MICAL2: variants seen among roughly 807,000 people sequenced by gnomAD.
The protein encoded by MICAL2 is [F-actin]-monooxygenase MICAL2.
In MICAL2, 77 loss-of-function variants were observed where a neutral mutation model predicts 127.3. That is an observed-to-expected ratio of 0.60 (90% CI 0.50 to 0.73). MICAL2 has a LOEUF of 0.73. MICAL2 is among the 30% of genes least tolerant of loss of function. The probability of loss-of-function intolerance (pLI) is 0.00; values close to 1 mark genes in which losing one functional copy is unlikely to be tolerated. For synonymous variants in MICAL2, 570 were observed against 551.1 expected (o/e 1.03, Z -0.48); for missense variants, 1,351 against 1,434.4 (o/e 0.94, Z 0.94).
At chr11:12,299,282 GTTTCCTTGC>G (rs1864019643) in intron 29 of MICAL2, among the ~76,000 whole-genome samples, 1 of 150,686 alleles carries the variant, frequency 6.6e-6, no homozygotes, top group South Asian at 2.1e-4. Context: ...TTTTTTTTTA[GTTTCCTTGC>G]TCAGTCCACC....
intron 26 of MICAL2, chr11:12,260,126 G>T: frequency 6.5e-7 from 1 of 1,534,872 alleles, no homozygotes; most frequent in Non-Finnish European, 8.7e-7. Flanking sequence ...TCCCTCGAGA[G>T]CATCTGCAAC....
chr11:12,304,227 G>T (rs557002773), intron 29 of MICAL2, among the ~76,000 whole-genome samples: 2 of 152,180 alleles, frequency 1.3e-5, no homozygotes, highest in African/African-American at 4.8e-5. Flanking sequence ...TCCTTTCACA[G>T]TCATATCTAT....
At chr11:12,325,837 G>T (rs1181387818) in intron 31 of MICAL2, among the ~76,000 whole-genome samples, 1 of 152,218 alleles carries the variant, frequency 6.6e-6, no homozygotes, top group Non-Finnish European at 1.5e-5. Context: ...CTAAGAACCA[G>T]ATAGCTGTTA....
intron 34 of MICAL2, chr11:12,358,195 A>C (rs1939157529): frequency 2.6e-6 from 3 of 1,174,872 alleles, no homozygotes; most frequent in East Asian, 2.4e-5. Context: ...CATTAAAATT[A>C]AAGGCAGAAC....
intron 32 of MICAL2, among the ~76,000 whole-genome samples, chr11:12,336,181 T>A (rs1841366721): frequency 6.6e-6 from 1 of 152,172 alleles, no homozygotes; most frequent in Non-Finnish European, 1.5e-5. Context: ...CCCTTGTAAG[T>A]TGGATTCCTA....
At chr11:12,230,720 C>CT (rs909558360) in intron 15 of MICAL2, among the ~76,000 whole-genome samples, 4 of 151,776 alleles carry the variant, frequency 2.6e-5, no homozygotes, top group African/African-American at 4.9e-5. Flanking sequence ...TCTTTCCCCC[C>CT]CCATCTTATT....
chr11:12,143,825 G>C lies in MICAL2; in HGVS notation c.-78+5365G>C, dbSNP rs553320701. Among the ~76,000 whole-genome samples the C allele has an allele frequency of 2.0e-5, 3 of 152,300 alleles. No homozygotes were observed. In the South Asian group the frequency reaches 6.2e-4, roughly 32 times the overall value. The stretch of plus-strand genomic sequence containing the variant: ...AACAAAAAATATAGTTGTTTTTAAG[G>C]ATGACATTTGCAAGGCAAAAGTATC... On this transcript the variant is annotated intron_variant, in intron 2 of 27. Transcript: ENST00000683283.
chr11:12,356,909 C>T (rs924273132), intron 34 of MICAL2, among the ~76,000 whole-genome samples: 1 of 152,230 alleles, frequency 6.6e-6, no homozygotes, highest in Non-Finnish European at 1.5e-5. Flanking sequence ...AAGCTGGCTT[C>T]TTTCCAGAAT....
chr11:12,141,548 C>T (rs1852354529), intron 2 of MICAL2, among the ~76,000 whole-genome samples: 1 of 152,168 alleles, frequency 6.6e-6, no homozygotes, highest in Non-Finnish European at 1.5e-5. Flanking sequence ...ATAAGAACTT[C>T]CTGTTGTTGC....
chr11:12,220,473 C>T lies in MICAL2; in HGVS notation c.1206+15C>T, dbSNP rs377105038. 5.0e-6 allele frequency: 8 copies of T among 1,603,136 alleles called. No individual in the cohort carries two copies. In the East Asian group the frequency reaches 6.7e-5, roughly 13 times the overall value. ...GCTTGCTTGAGGTACTGCCTGAGCTCGGAGCCCCCATGTTTCTCTGCGAGA... is the reference window on the plus strand; with the variant it reads ...GCTTGCTTGAGGTACTGCCTGAGCTTGGAGCCCCCATGTTTCTCTGCGAGA... On this transcript the variant is annotated intron_variant, in intron 9 of 27. Coordinates refer to ENST00000683283, the MANE Select transcript of MICAL2 (RefSeq NM_001282663.2).
intron 3 of MICAL2, among the ~76,000 whole-genome samples, chr11:12,174,096 A>G (rs543725338): frequency 5.9e-4 from 90 of 152,198 alleles, no homozygotes; most frequent in Non-Finnish European, 1.0e-3. Flanking sequence ...ACAGTTGAAA[A>G]AAGTAGATTT....
chr11:12,248,228 G>A (rs1861033817), intron 21 of MICAL2, among the ~76,000 whole-genome samples: 1 of 152,182 alleles, frequency 6.6e-6, no homozygotes, highest in African/African-American at 2.4e-5. Context: ...TTCTTGGCCT[G>A]AATGGTCACA....
intron 34 of MICAL2, chr11:12,358,234 C>G: frequency 6.6e-7 from 1 of 1,523,350 alleles, no homozygotes; most frequent in Non-Finnish European, 9.0e-7. Context: ...AATGTCCATG[C>G]CAAGAACTCT....
chr11:12,227,334 C>A, intron 15 of MICAL2: 1 of 540,950 alleles, frequency 1.8e-6, no homozygotes, highest in African/African-American at 1.9e-5. Context: ...TCAATGACTT[C>A]AAAGTGGTTA....
At chr11:12,260,725 G>A in intron 26 of MICAL2, 2 of 985,502 alleles carry the variant, frequency 2.0e-6, no homozygotes, top group Non-Finnish European at 2.4e-6. Context: ...GGGCAGAATA[G>A]AATTCAACTT....
At chr11:12,215,291 C>G (rs1483082039) in intron 7 of MICAL2, among the ~76,000 whole-genome samples, 1 of 152,178 alleles carries the variant, frequency 6.6e-6, no homozygotes, top group African/African-American at 2.4e-5. Context: ...TCCTGATTCT[C>G]CTGGGGGCCC....
In MICAL2 at chr11:12,204,395, T is replaced by A; in HGVS notation, c.410T>A (p.Leu137His). ...CTCTGGCCTTTCACCATCCATGACC[T>A]TCGTGGCCTGGGAGCCAAGAAGTTC... ...LHLWPFTIHD[L>H]RGLGAKKFYG... The change falls in exon 4 of 28, where the codon CTT (leucine) becomes CAT (histidine). Residue 137 changes from leucine (L) to histidine (H), a missense_variant. By Grantham distance (99) the Leu-to-His change is moderately conservative (BLOSUM62 -3). This residue lies in a region of MICAL2 where 599 missense variants were observed against 714.9 expected (regional missense o/e 0.84). Transcript: ENST00000683283. The A allele has an allele frequency of 1.2e-6, 2 of 1,612,688 alleles. No homozygotes were observed. The highest frequency in any genetic ancestry group is 1.7e-6 in the Non-Finnish European group (2 of 1,179,132).
In MICAL2 at chr11:12,192,098, G is replaced by T. The variant is rs1859248817; in HGVS notation, c.265-12152G>T. On this transcript the variant is annotated intron_variant, in intron 3 of 27. Transcript: ENST00000683283. ...ACCAAGGGCAAGGGGTTATGGGGAG[G>T]GATGCATTGGACAGCATGATCTAAG... Among the ~76,000 whole-genome samples, 2 of 151,804 alleles carry T rather than the reference G, an allele frequency of 1.3e-5. 1 individual carries two copies. Among genetic ancestry groups the T allele is most frequent in the South Asian group, 4.2e-4 (2 of 4,794 alleles).
intron 1 of MICAL2, among the ~76,000 whole-genome samples, chr11:12,279,241 A>T (rs1863748527): frequency 6.6e-6 from 1 of 152,162 alleles, no homozygotes; most frequent in South Asian, 2.1e-4. Flanking sequence ...TCGGATATGT[A>T]TAGAGAAATG....
Sources: gnomAD v4.1 joint callset for allele counts (sites outside exome capture counted in the v4.1 genomes callset) on GRCh38, gnomAD v4.1.1 for gene constraint, gnomAD v4.1.1 regional missense constraint, MANE v1.5 for transcripts, NCBI Gene and HGNC (gene_info 2026-07-23, HGNC 2026-07-21) for gene names.